The following COLGALT1 variants were observed in gnomAD, a reference collection of about 807,000 sequenced individuals.
COLGALT1 encodes the protein procollagen galactosyltransferase 1.
Under a neutral mutation model 60.8 loss-of-function variants are expected in COLGALT1, and 43 were observed. The observed-to-expected ratio is 0.71, with a 90% CI of 0.55 to 0.91. The LOEUF (loss-of-function observed/expected upper bound fraction) is 0.91, where lower values mean the gene tolerates loss of function less well. Among genes scored for constraint, COLGALT1 ranks in the 40% least tolerant of loss-of-function variants. The pLI, the probability that COLGALT1 is intolerant of heterozygous loss-of-function variation, is 0.00. For synonymous variants in COLGALT1, 369 were observed against 374.2 expected, an observed-to-expected ratio of 0.99 and a Z score of 0.16; for missense variants, 845 against 880.0, an observed-to-expected ratio of 0.96 and a Z score of 0.50.
At chr19:17,578,712 T>G (rs1324223464) in intron 9 of COLGALT1, among the ~76,000 whole-genome samples, 1 of 152,080 alleles carries the variant, frequency 6.6e-6, no homozygotes. Flanking sequence ...AAACCGTGTC[T>G]CAGAAAAAAG....
chr19:17,563,192 T>TC (rs2076259209), intron 3 of COLGALT1, among the ~76,000 whole-genome samples: 2 of 146,166 alleles, frequency 1.4e-5, no homozygotes, highest in South Asian at 2.2e-4. Context: ...TGTTTCTTTT[T>TC]TTTTTTTTTT....
intron 7 of COLGALT1, 26 bp from the exon 8 acceptor site, chr19:17,577,335 C>G (rs548697821): frequency 6.2e-7 from 1 of 1,607,086 alleles, no homozygotes; most frequent in South Asian, 1.1e-5. Flanking sequence ...AGGGGCTGAT[C>G]TGGCTGGGGA....
intron 5 of COLGALT1, among the ~76,000 whole-genome samples, chr19:17,569,945 A>T (rs1471539083): frequency 8.4e-6 from 1 of 118,856 alleles, no homozygotes; most frequent in South Asian, 2.7e-4. Flanking sequence ...CCCAGGCTGG[A>T]GTGCAGTGGC....
At position 17,581,181 on chromosome 19, in the gene COLGALT1, G is replaced by A. The variant is rs1316826822; in HGVS notation, c.1606G>A (p.Glu536Lys). The change falls in exon 12 of 12, where the codon GAG becomes AAG. Residue 536 changes from glutamate to lysine, a missense_variant. By Grantham distance (56) the Glu-to-Lys change is moderately conservative. Coordinates refer to ENST00000252599, the MANE Select transcript of COLGALT1 (RefSeq NM_024656.4). The part of the protein sequence containing the change: ...PVMFDKHPVS[E>K]YKAHFSLRNL... ...CTCCCCTCCTCCTCCCCCCAGGTCC[G>A]AGTACAAGGCCCACTTCTCCCTCCG... 6 of 1,604,148 alleles carry A rather than the reference G, an allele frequency of 3.7e-6. No individual in the cohort carries two copies. The highest frequency in any genetic ancestry group is 1.7e-4 in the Middle Eastern group (1 of 5,974).
rs555709138 is a variant in COLGALT1, at chr19:17,560,173, C to G, written c.372-175C>G. On this transcript the variant is annotated intron_variant, in intron 2 of 11. Coordinates refer to ENST00000252599, the MANE Select transcript of COLGALT1 (RefSeq NM_024656.4). ...CCTTTGCACAGGCTGTACCTCCGGC[C>G]AGGAACATTCTCCCCACTTCTCTTT... Among the ~76,000 whole-genome samples, 7 of 152,254 alleles carry G rather than the reference C, an allele frequency of 4.6e-5. No homozygotes were observed. In the East Asian group the frequency reaches 1.4e-3, roughly 29 times the overall value.
rs140410789 is a variant in COLGALT1 at position 17,573,824 on chromosome 19, T to A, written c.949+1222T>A. ...AAACCTTGTCTTTACCAAAAAAAAATAACAAAAATTAGCCAGGCGTGATGG... is the reference window on the plus strand; with the variant it reads ...AAACCTTGTCTTTACCAAAAAAAAAAAACAAAAATTAGCCAGGCGTGATGG... On this transcript the variant is annotated intron_variant, in intron 6 of 11. Coordinates refer to ENST00000252599, the MANE Select transcript of COLGALT1 (RefSeq NM_024656.4). Among the ~76,000 whole-genome samples, 507 of 150,532 alleles carry A rather than the reference T, an allele frequency of 3.4e-3. 4 individuals are homozygous for A. The highest frequency in any genetic ancestry group is 0.012 in the African/African-American group (492 of 40,798).
At chr19:17,573,244 T>C in intron 6 of COLGALT1, among the ~76,000 whole-genome samples, 1 of 151,832 alleles carries the variant, frequency 6.6e-6, no homozygotes, top group South Asian at 2.1e-4. Context: ...AAAAAAAATT[T>C]TGGCCGGGTG....
At chr19:17,571,245 C>T (rs894575236) in intron 5 of COLGALT1, among the ~76,000 whole-genome samples, 1 of 151,816 alleles carries the variant, frequency 6.6e-6, no homozygotes, top group African/African-American at 2.4e-5. Context: ...TGGTGAAACC[C>T]GTCTCTGCTA....
Position 17,555,793 on chromosome 19 carries a change from C to A in COLGALT1, c.80C>A (p.Pro27Gln). 2 of 1,247,058 alleles carry A rather than the reference C, an allele frequency of 1.6e-6. No homozygotes were observed. Among genetic ancestry groups the A allele is most frequent in the South Asian group, 3.1e-5 (1 of 32,448 alleles). The allele number at this position is 1,247,058 out of a possible 1,614,324, so 77.2% of individuals were successfully genotyped here. Residue 27 changes from proline (P) to glutamine (Q), a missense_variant, in exon 1 of 12, where the codon CCG becomes CAG. Physicochemically the swap from Pro to Gln is moderately conservative, Grantham distance 76. Coordinates refer to ENST00000252599, the MANE Select transcript of COLGALT1 (RefSeq NM_024656.4). ...ALLLLLLAPL[P>Q]PGAPPGADAY... ...CTGCTTCTGCTGCTGGCGCCACTGC[C>A]GCCGGGGGCCCCGCCGGGCGCCGAC... is the stretch of plus-strand genomic sequence containing the variant.
At position 17,569,891 on chromosome 19, in the gene COLGALT1, C is replaced by CCTTTTTT. The variant is rs749016124; in HGVS notation, c.829+1178_829+1179insCTTTTTT. On this transcript the variant is annotated intron_variant, in intron 5 of 11. Coordinates refer to ENST00000252599, the MANE Select transcript of COLGALT1 (RefSeq NM_024656.4). ...CAGGCCAAACCTGGCCCACTAATTA[C>CCTTTTTT]TTTTTTTTTTTTTTTTTTTTTGAGA... Among the ~76,000 whole-genome samples, 44 of 98,734 alleles carry CCTTTTTT rather than the reference C, an allele frequency of 4.5e-4. 1 individual carries two copies. Among genetic ancestry groups the CCTTTTTT allele is most frequent in the African/African-American group, 1.2e-3 (31 of 25,420 alleles). 64.8% of individuals were successfully genotyped at this position (98,734 alleles called of 152,430 possible).
chr19:17,562,606 G>T (rs899218120), intron 3 of COLGALT1, among the ~76,000 whole-genome samples: 2 of 151,888 alleles, frequency 1.3e-5, no homozygotes, highest in African/African-American at 4.8e-5. Flanking sequence ...AGGTTGCAGT[G>T]AGCTGAGATT....
At position 17,577,983 on chromosome 19, in the gene COLGALT1, C is replaced by A; in HGVS notation, c.1160C>A (p.Ala387Glu). The A allele has an allele frequency of 6.2e-7, 1 of 1,610,840 alleles. No individual in the cohort carries two copies. The highest frequency in any genetic ancestry group is 8.5e-7 in the Non-Finnish European group (1 of 1,179,002). ...GCCATGAACACCAGCCAGGTGGAGG[C>A]GCTGGGGATCCAGATGCTGCCTGGC... ...GKAMNTSQVE[A>E]LGIQMLPGYR... The change falls in exon 9 of 12, where the codon GCG (alanine) becomes GAG (glutamate). Residue 387 changes from alanine (A) to glutamate (E), a missense_variant. Coordinates refer to ENST00000252599, the MANE Select transcript of COLGALT1 (RefSeq NM_024656.4).
intron 3 of COLGALT1, among the ~76,000 whole-genome samples, chr19:17,562,767 AG>A (rs1351293949): frequency 6.6e-6 from 1 of 152,010 alleles, no homozygotes; most frequent in Non-Finnish European, 1.5e-5. Flanking sequence ...GGAGAAAGGC[AG>A]GGGGTTCAGG....
Position 17,581,159 on chromosome 19 carries a change from C to CCTT in COLGALT1, c.1602-17_1602-16insTTC. 6.2e-7 allele frequency: 1 copy of CCTT among 1,601,856 alleles called. No homozygotes were observed. The highest frequency in any genetic ancestry group is 2.2e-5 in the East Asian group (1 of 44,810). ...CTGAAGCCATTGCTGCCCCTCACTC[C>CCTT]CCTCCTCCTCCCCCCAGGTCCGAGT... On this transcript the variant is annotated splice_polypyrimidine_tract_variant and intron_variant, in intron 11 of 11. Coordinates refer to ENST00000252599, the MANE Select transcript of COLGALT1 (RefSeq NM_024656.4).
At chr19:17,570,860 C>T (rs977991449) in intron 5 of COLGALT1, among the ~76,000 whole-genome samples, 1 of 152,008 alleles carries the variant, frequency 6.6e-6, no homozygotes, top group African/African-American at 2.4e-5. Context: ...CCACCACACC[C>T]GGCCAATTTT....
rs1250995744 is a variant in COLGALT1, at chr19:17,555,891, G to C, written c.178G>C (p.Ala60Pro). The C allele has an allele frequency of 7.2e-7, 1 of 1,393,942 alleles. No individual in the cohort carries two copies. The highest frequency in any genetic ancestry group is 9.3e-7 in the Non-Finnish European group (1 of 1,072,528). The allele number at this position is 1,393,942 out of a possible 1,614,324, so 86.3% of individuals were successfully genotyped here. The change falls in exon 1 of 12, where the codon GCG (alanine) becomes CCG (proline). Residue 60 changes from alanine to proline, a missense_variant. By Grantham distance (27) the Ala-to-Pro change is conservative. Coordinates refer to ENST00000252599, the MANE Select transcript of COLGALT1 (RefSeq NM_024656.4). ...QAPRVLIALL[A>P]RNAAHALPTT... is the part of the protein sequence containing the mutation. ...GCCGCGCGTGCTCATCGCGCTGTTG[G>C]CGCGAAACGCGGCCCACGCGTTGCC...
chr19:17,579,239 G>A (rs2076363566), intron 9 of COLGALT1, among the ~76,000 whole-genome samples: 1 of 152,142 alleles, frequency 6.6e-6, no homozygotes, highest in African/African-American at 2.4e-5. Flanking sequence ...GTGTGCGGCT[G>A]CAAGGCGGGA....
At chr19:17,568,438 C>T (rs1392074550) in intron 4 of COLGALT1, 71 bp from the exon 5 acceptor site, 7 of 1,331,810 alleles carry the variant, frequency 5.3e-6, no homozygotes, top group East Asian at 4.6e-5. Flanking sequence ...TGTTTCATGC[C>T]GCCCACTATC....
At chr19:17,577,488 TGGGGG>T in intron 8 of COLGALT1, 21 bp downstream of exon 8, 2 of 17,106 alleles carry the variant, frequency 1.2e-4, no homozygotes, top group Non-Finnish European at 2.1e-4. Flanking sequence ...GGCCTGGGGG[TGGGGG>T]GGCGGGTCCG....
Sources: gnomAD v4.1 joint callset for allele counts (sites outside exome capture counted in the v4.1 genomes callset) on GRCh38, gnomAD v4.1.1 for gene constraint, MANE v1.5 for transcripts, NCBI Gene and HGNC (gene_info 2026-07-23, HGNC 2026-07-21) for gene names.